The following KAT2B variants were observed in gnomAD, a reference collection of about 807,000 sequenced individuals.
KAT2B encodes histone acetyltransferase KAT2B.
A neutral mutation model predicts 105.9 loss-of-function variants in KAT2B; 36 were observed. The observed-to-expected ratio is 0.34, with a 90% CI of 0.26 to 0.45. The LOEUF is 0.45. KAT2B is among the 20% of genes least tolerant of loss of function. KAT2B has a pLI of 1.00. For synonymous variants in KAT2B, 397 were observed against 377.9 expected, an observed-to-expected ratio of 1.05 and a Z score of -0.59; for missense variants, 820 against 1,021.6, an observed-to-expected ratio of 0.80 and a Z score of 2.69.
intron 9 of KAT2B, among the ~76,000 whole-genome samples, chr3:20,123,208 C>G (rs535857140): frequency 9.8e-5 from 15 of 152,290 alleles, no homozygotes; most frequent in Admixed American, 2.0e-4. Flanking sequence ...TTTCTCTCCC[C>G]ACTCCCCATG....
chr3:20,096,572 G>C (rs1206241191), intron 3 of KAT2B, among the ~76,000 whole-genome samples: 1 of 152,210 alleles, frequency 6.6e-6, no homozygotes, highest in Non-Finnish European at 1.5e-5. Context: ...TTATGGGTAG[G>C]AAAAGTTTGC....
intron 9 of KAT2B, among the ~76,000 whole-genome samples, chr3:20,125,192 A>G (rs4345088): frequency 0.99 from 151,099 of 152,124 alleles, 75,047 homozygotes; most frequent in East Asian, 1. Flanking sequence ...GCGCCGTGGC[A>G]GGCTCCAGAG....
In KAT2B at chr3:20,040,683, G is replaced by T; in HGVS notation, c.206G>T (p.Gly69Val). ...GCGGGCACGGCCGAAGGACCGGGAG[G>T]CGGTGGCTCGGCCCGAATCGCCGTG... The part of the protein sequence containing the change: ...AAAGTAEGPG[G>V]GGSARIAVKK... The change falls in exon 1 of 18, where the codon GGC (glycine) becomes GTC (valine). Residue 69 changes from glycine to valine, a missense_variant. Transcript: ENST00000263754. 6.4e-7 allele frequency: 1 copy of T among 1,568,030 alleles called. No homozygotes were observed. Among genetic ancestry groups the T allele is most frequent in the Non-Finnish European group, 8.6e-7 (1 of 1,162,454 alleles).
intron 1 of KAT2B, among the ~76,000 whole-genome samples, chr3:20,055,269 T>C (rs1697986267): frequency 6.6e-6 from 1 of 152,210 alleles, no homozygotes; most frequent in African/African-American, 2.4e-5. Context: ...ATGTCAACTT[T>C]TTCCGTTTAC....
At chr3:20,099,724 T>A in intron 3 of KAT2B, 138 bp from the exon 4 acceptor site, 1 of 544,382 alleles carries the variant, frequency 1.8e-6, no homozygotes, top group Non-Finnish European at 3.4e-6. Flanking sequence ...AAATAGAATA[T>A]GGTAACTTCC....
At chr3:20,138,853 G>A (rs1699648899) in intron 12 of KAT2B, among the ~76,000 whole-genome samples, 1 of 152,074 alleles carries the variant, frequency 6.6e-6, no homozygotes, top group African/African-American at 2.4e-5. Flanking sequence ...TGTTAAAGAT[G>A]TTATTACATA....
chr3:20,046,758 G>C (rs1575102130), intron 1 of KAT2B, among the ~76,000 whole-genome samples: 1 of 152,264 alleles, frequency 6.6e-6, no homozygotes, highest in Admixed American at 6.5e-5. Context: ...CTCCCCCAGA[G>C]AGCAAATTGT....
intron 4 of KAT2B, among the ~76,000 whole-genome samples, chr3:20,100,371 C>T (rs1398160066): frequency 6.6e-6 from 1 of 151,962 alleles, no homozygotes; most frequent in Admixed American, 6.6e-5. Context: ...GCAAAAAAAG[C>T]AAAAAAGAAA....
At chr3:20,084,022 T>C (rs1698568848) in intron 2 of KAT2B, among the ~76,000 whole-genome samples, 1 of 152,200 alleles carries the variant, frequency 6.6e-6, no homozygotes, top group Admixed American at 6.5e-5. Flanking sequence ...TCAGCGCTAC[T>C]TCCTCAGAGA....
intron 1 of KAT2B, among the ~76,000 whole-genome samples, chr3:20,063,560 T>C (rs1361154707): frequency 1.0e-5 from 1 of 99,976 alleles, no homozygotes; most frequent in African/African-American, 4.2e-5. Context: ...TTTTTTTTTT[T>C]TTTTGAGATG....
At chr3:20,061,954 T>C (rs1348546836) in intron 1 of KAT2B, among the ~76,000 whole-genome samples, 2 of 117,992 alleles carry the variant, frequency 1.7e-5, no homozygotes, top group Admixed American at 2.2e-4. Context: ...ATATATTATA[T>C]ATAAAACATA....
At chr3:20,070,701 C>G (rs901904664) in intron 1 of KAT2B, among the ~76,000 whole-genome samples, 1 of 151,870 alleles carries the variant, frequency 6.6e-6, no homozygotes, top group African/African-American at 2.4e-5. Flanking sequence ...GCCACTCTGA[C>G]AATTTTCTTC....
At chr3:20,084,662 C>T (rs1353726962) in intron 2 of KAT2B, among the ~76,000 whole-genome samples, 1 of 152,110 alleles carries the variant, frequency 6.6e-6, no homozygotes, top group Non-Finnish European at 1.5e-5. Context: ...GGAAATGAGC[C>T]TCCTCAGGTT....
At chr3:20,048,475 G>A (rs1210253601) in intron 1 of KAT2B, among the ~76,000 whole-genome samples, 1 of 152,156 alleles carries the variant, frequency 6.6e-6, no homozygotes, top group Non-Finnish European at 1.5e-5. Flanking sequence ...AAACCCAGTT[G>A]CCTCGGTGTT....
chr3:20,045,463 A>G (rs1297040075), intron 1 of KAT2B, among the ~76,000 whole-genome samples: 2 of 151,672 alleles, frequency 1.3e-5, no homozygotes, highest in Non-Finnish European at 2.9e-5. Flanking sequence ...TGATCCTCCC[A>G]CCTCAGCCTC....
chr3:20,052,971 C>T (rs926638564), intron 1 of KAT2B, among the ~76,000 whole-genome samples: 16 of 151,968 alleles, frequency 1.1e-4, no homozygotes, highest in African/African-American at 2.9e-4. Context: ...AGCTAGACTC[C>T]GTCTTCAAAA....
chr3:20,046,392 G>A (rs980869977), intron 1 of KAT2B, among the ~76,000 whole-genome samples: 6 of 152,080 alleles, frequency 3.9e-5, no homozygotes, highest in African/African-American at 1.4e-4. Context: ...GACCAGCCTG[G>A]GCAACATGGT....
chr3:20,109,569 G>C (rs1335166191), intron 5 of KAT2B, among the ~76,000 whole-genome samples: 4 of 152,026 alleles, frequency 2.6e-5, no homozygotes, highest in Admixed American at 6.6e-5. Context: ...CTTCCTGCTT[G>C]GGCCTTCCAA....
chr3:20,123,991 A>G (rs1199744074), intron 9 of KAT2B, among the ~76,000 whole-genome samples: 2 of 152,136 alleles, frequency 1.3e-5, no homozygotes, highest in African/African-American at 4.8e-5. Flanking sequence ...ATTATATTAC[A>G]GTGTTAATTT....
Sources: gnomAD v4.1 joint callset for allele counts (sites outside exome capture counted in the v4.1 genomes callset) on GRCh38, gnomAD v4.1.1 for gene constraint, MANE v1.5 for transcripts, NCBI Gene and HGNC (gene_info 2026-07-23, HGNC 2026-07-21) for gene names.